The following ACOT8 variants were observed in gnomAD, a reference collection of about 807,000 sequenced individuals.
The protein encoded by ACOT8 is acyl-CoA thioesterase 8.
Under a neutral mutation model 38.4 loss-of-function variants are expected in ACOT8, and 31 were observed. That is an observed-to-expected ratio of 0.81 (90% confidence interval 0.61 to 1.09). The LOEUF (loss-of-function observed/expected upper bound fraction) is 1.09. Among genes scored for constraint, ACOT8 ranks in the 50% least tolerant of loss-of-function variants. The probability of loss-of-function intolerance (pLI) is 0.00; values close to 1 mark genes in which losing one functional copy is unlikely to be tolerated. For missense variants in ACOT8, 373 were observed against 421.8 expected (o/e 0.88, Z 1.01); for synonymous variants, 158 against 170.3 (o/e 0.93, Z 0.56).
At chr20:45,855,686 G>C (rs528355508) in intron 1 of ACOT8, among the ~76,000 whole-genome samples, 1 of 152,324 alleles carries the variant, frequency 6.6e-6, no homozygotes, top group African/African-American at 2.4e-5. Flanking sequence ...CCAGGAGGCA[G>C]AGGTTGAGGT....
intron 5 of ACOT8, chr20:45,843,291 TG>T: frequency 1.4e-6 from 1 of 707,204 alleles, no homozygotes; most frequent in Non-Finnish European, 2.5e-6. Flanking sequence ...GGACTAGAAC[TG>T]GGTCCCTGGG....
chr20:45,843,542 C>A lies in ACOT8; in HGVS notation c.826G>T (p.Glu276Ter), dbSNP rs749132839. Residue 276 changes from glutamate to a stop codon, truncating the protein, a stop_gained, in exon 5 of 6, where the codon GAG becomes TAG. Coordinates refer to ENST00000217455, the MANE Select transcript of ACOT8 (RefSeq NM_005469.4). LOFTEE classifies it high-confidence loss of function. ...RADHWMLYEC[E>*]SPWAGGSRGL... ...CCACACTCACCGGCCCAGGGGCTCT[C>A]GCATTCATAGAGCATCCAGTGGTCA... 1 of 1,609,282 alleles carries A rather than the reference C, an allele frequency of 6.2e-7. No individual in the cohort carries two copies. Among genetic ancestry groups the A allele is most frequent in the African/African-American group, 1.3e-5 (1 of 74,810 alleles).
rs185359168 is a variant in ACOT8, at chr20:45,857,160, G to A, written c.128+28C>T. 198 of 1,603,784 alleles carry A rather than the reference G, an allele frequency of 1.2e-4. 2 individuals carry two copies. In the East Asian group the frequency reaches 4.3e-3, roughly 35 times the overall value. ...AGATCAAGTTTCTGCCCTAAAGGAG[G>A]GGATGCTGGGCAGGAGCTGCCGGCT... On this transcript the variant is annotated intron_variant, in intron 1 of 5. Transcript: ENST00000217455.
chr20:45,849,805 A>T (rs1399130149), intron 2 of ACOT8, among the ~76,000 whole-genome samples: 1 of 152,100 alleles, frequency 6.6e-6, no homozygotes, highest in Non-Finnish European at 1.5e-5. Context: ...TTTGGCAGAG[A>T]CTTAGAGGCA....
In ACOT8 at chr20:45,841,963, G is replaced by C; in HGVS notation, c.842-7C>G. The C allele has an allele frequency of 6.2e-7, 1 of 1,613,108 alleles. No homozygotes were observed. The highest frequency in any genetic ancestry group is 1.1e-5 in the South Asian group (1 of 91,012). On this transcript the variant is annotated splice_region_variant and splice_polypyrimidine_tract_variant and intron_variant, in intron 5 of 5. Transcript: ENST00000217455. ...ACCAGCCCCCGAGAGCCACCTGTGG[G>C]TGAGGTGAAGGGTGATGATGGCCTG... is the stretch of plus-strand genomic sequence containing the variant.
At chr20:45,853,988 G>C (rs1305699237) in intron 2 of ACOT8, 2 of 1,302,284 alleles carry the variant, frequency 1.5e-6, no homozygotes, top group African/African-American at 3.0e-5. Flanking sequence ...ATCTGCTCTG[G>C]GGGTAACAGG....
At chr20:45,854,799 T>C (rs544826993) in intron 2 of ACOT8, among the ~76,000 whole-genome samples, 1 of 69,228 alleles carries the variant, frequency 1.4e-5, no homozygotes, top group Non-Finnish European at 2.7e-5. Flanking sequence ...CAAGCTGCCC[T>C]ACCTCCACAC....
chr20:45,844,949 C>T (rs542949393), intron 3 of ACOT8, among the ~76,000 whole-genome samples: 6 of 152,138 alleles, frequency 3.9e-5, no homozygotes, highest in Non-Finnish European at 5.9e-5. Context: ...GAGACAAGGT[C>T]GTCTTCTCAC....
intron 5 of ACOT8, chr20:45,842,817 T>C: frequency 1.0e-6 from 1 of 991,444 alleles, no homozygotes; most frequent in South Asian, 4.6e-5. Context: ...GTGATGCTAT[T>C]GGTACTTGAG....
At chr20:45,843,769 G>T in intron 4 of ACOT8, 48 bp from the exon 5 acceptor site, 1 of 1,595,444 alleles carries the variant, frequency 6.3e-7, no homozygotes, top group Non-Finnish European at 8.6e-7. Context: ...TTCCAGCTCA[G>T]GACCTGCACG....
Position 45,851,810 on chromosome 20 carries a change from A to G in ACOT8, c.263-3135T>C, listed in dbSNP as rs144207464. On this transcript the variant is annotated intron_variant, in intron 2 of 5. Coordinates refer to ENST00000217455, the MANE Select transcript of ACOT8 (RefSeq NM_005469.4). The stretch of plus-strand genomic sequence containing the variant: ...TAGAATGTTTGCTGACCTTGTTCTG[A>G]ATTCTTCAAGCTCTAAATTTACCTC... Among the ~76,000 whole-genome samples the G allele has an allele frequency of 1.5e-3, 223 of 152,312 alleles. 1 individual carries two copies. Among genetic ancestry groups the G allele is most frequent in the African/African-American group, 5.0e-3 (209 of 41,564 alleles).
intron 3 of ACOT8, among the ~76,000 whole-genome samples, chr20:45,846,081 C>G (rs1231797014): frequency 2.6e-5 from 4 of 152,160 alleles, no homozygotes; most frequent in African/African-American, 9.7e-5. Context: ...CTTGGGTGAG[C>G]CACCCGCCTT....
intron 5 of ACOT8, chr20:45,842,568 C>T (rs151222236): frequency 1.0e-6 from 1 of 996,112 alleles, no homozygotes; most frequent in African/African-American, 1.7e-5. Flanking sequence ...CCCTCCCCAT[C>T]TGGAGACTCT....
chr20:45,843,461 C>G, intron 5 of ACOT8, 66 bp downstream of exon 5: 12 of 1,558,596 alleles, frequency 7.7e-6, no homozygotes, highest in Non-Finnish European at 1.0e-5. Context: ...AAATCAGCAT[C>G]ACCCAAGAAA....
rs902181457 is a variant in ACOT8 at position 45,857,365 on chromosome 20, G to A, written c.-50C>T. The stretch of plus-strand genomic sequence containing the variant: ...ACACCCGCTCCGCGGAAGACGCGGA[G>A]ACATACACAGAACCTGACTCTTCCG... On this transcript the variant is annotated 5_prime_UTR_variant, in exon 1 of 6. Coordinates refer to ENST00000217455, the MANE Select transcript of ACOT8 (RefSeq NM_005469.4). The A allele has an allele frequency of 1.2e-5, 19 of 1,549,800 alleles. No homozygotes were observed. The African/African-American group carries it at 2.2e-4, about 18-fold the overall frequency.
At chr20:45,843,163 A>G (rs1296680223) in intron 5 of ACOT8, 1 of 635,240 alleles carries the variant, frequency 1.6e-6, no homozygotes, top group South Asian at 1.9e-5. Flanking sequence ...AGTCTGATGG[A>G]CTGCGGGTTT....
intron 2 of ACOT8, among the ~76,000 whole-genome samples, chr20:45,850,854 C>A (rs542262386): frequency 2.6e-5 from 4 of 152,200 alleles, no homozygotes; most frequent in Non-Finnish European, 1.5e-5. Flanking sequence ...AGAGCAAGAC[C>A]TTGTCTCAAA....
At position 45,855,288 on chromosome 20, in the gene ACOT8, T is replaced by A; in HGVS notation, c.133A>T (p.Arg45Trp). The A allele has an allele frequency of 6.2e-7, 1 of 1,614,078 alleles. No individual in the cohort carries two copies. Among genetic ancestry groups the A allele is most frequent in the South Asian group, 1.1e-5 (1 of 91,088 alleles). ...CTCTTGGCCGGTACCCAGTAATGCC[T>A]TCCTCTGTAGGGAGAGGGGGAAAGA... ...EPLDEDLFRGRHYWVPAKRLF... is the reference protein window; with the variant it reads ...EPLDEDLFRGWHYWVPAKRLF... The change falls in exon 2 of 6, where the codon AGG becomes TGG. Residue 45 changes from arginine to tryptophan, a missense_variant. Physicochemically the swap from Arg to Trp is moderately radical, Grantham distance 101 (BLOSUM62 -3). Transcript: ENST00000217455.
intron 2 of ACOT8, 123 bp downstream of exon 2, chr20:45,855,036 G>A: frequency 7.2e-7 from 1 of 1,386,288 alleles, no homozygotes; most frequent in Non-Finnish European, 9.8e-7. Flanking sequence ...TAGGGTGGTA[G>A]TGTCCGCCAC....
Sources: gnomAD v4.1 joint callset for allele counts (sites outside exome capture counted in the v4.1 genomes callset) on GRCh38, gnomAD v4.1.1 for gene constraint, MANE v1.5 for transcripts, NCBI Gene and HGNC (gene_info 2026-07-23, HGNC 2026-07-21) for gene names.